MYH10: variants seen among roughly 807,000 people sequenced by gnomAD.
MYH10 encodes the protein myosin-10.
MYH10 carries 55 observed loss-of-function variants against 257.8 expected under a neutral mutation model. That is an observed-to-expected ratio of 0.21 (90% confidence interval 0.17 to 0.27). The LOEUF (loss-of-function observed/expected upper bound fraction) is 0.27. Among genes scored for constraint, MYH10 ranks in the 10% least tolerant of loss-of-function variants. The pLI is 1.00. For missense variants in MYH10, 1,631 were observed against 2,500.6 expected (o/e 0.65, Z 7.42); for synonymous variants, 854 against 921.7 (o/e 0.93, Z 1.33).
At chr17:8,593,844 T>C (rs1315626996) in intron 3 of MYH10, among the ~76,000 whole-genome samples, 3 of 152,176 alleles carry the variant, frequency 2.0e-5, no homozygotes, top group Non-Finnish European at 2.9e-5. Flanking sequence ...CTAAAATTTA[T>C]ACCTATGGAA....
Position 8,533,487 on chromosome 17 carries a change from C to T in MYH10, c.1894+1900G>A, listed in dbSNP as rs147162414. ...TTCTACAAATGCCACCCCAGACACT[C>T]ACTCCTAGAGTCAGTTCATGCAAAC... On this transcript the variant is annotated intron_variant, in intron 16 of 42. Transcript: ENST00000360416. 3.7e-3 allele frequency among the ~76,000 whole-genome samples: 567 copies of T among 152,322 alleles called. 2 individuals are homozygous for T. Among genetic ancestry groups the T allele is most frequent in the Middle Eastern group, 0.027 (8 of 294 alleles).
intron 42 of MYH10, among the ~76,000 whole-genome samples, chr17:8,476,633 G>A (rs996890869): frequency 3.3e-5 from 5 of 152,234 alleles, no homozygotes; most frequent in African/African-American, 1.2e-4. Context: ...GCCTGACCCA[G>A]CTCCAGCCTG....
At chr17:8,576,598 T>G (rs1457301619) in intron 6 of MYH10, 45 bp downstream of exon 6, 1 of 1,529,302 alleles carries the variant, frequency 6.5e-7, no homozygotes. Flanking sequence ...AGACAGAAAT[T>G]AGTGCAAACA....
chr17:8,547,670 TATAG>T (rs1446014111), intron 11 of MYH10, among the ~76,000 whole-genome samples: 1 of 150,608 alleles, frequency 6.6e-6, no homozygotes, highest in Non-Finnish European at 1.5e-5. Flanking sequence ...GTCAAGGCAA[TATAG>T]AGATTCCTCA....
intron 7 of MYH10, chr17:8,561,221 G>A: frequency 1.3e-6 from 1 of 787,882 alleles, no homozygotes. Context: ...TCCGGTCCGT[G>A]CCTCCAAGAT....
chr17:8,536,780 CAG>C (rs1007515140), intron 14 of MYH10, among the ~76,000 whole-genome samples: 22 of 134,932 alleles, frequency 1.6e-4, no homozygotes, highest in African/African-American at 6.2e-4. Context: ...GCCTGGGTAA[CAG>C]AGCAAGACTC....
chr17:8,568,895 A>C (rs1410808160), intron 7 of MYH10, among the ~76,000 whole-genome samples: 1 of 151,624 alleles, frequency 6.6e-6, no homozygotes, highest in African/African-American at 2.4e-5. Flanking sequence ...GAGGAAAGTA[A>C]AGCTTTCAAG....
intron 4 of MYH10, among the ~76,000 whole-genome samples, chr17:8,580,691 A>G (rs1454278183): frequency 6.6e-6 from 1 of 152,202 alleles, no homozygotes; most frequent in African/African-American, 2.4e-5. Flanking sequence ...CACATAGATA[A>G]GAAAATAGTT....
intron 30 of MYH10, among the ~76,000 whole-genome samples, chr17:8,495,715 G>GT (rs548216691): frequency 0.056 from 8,105 of 144,220 alleles, 197 homozygotes; most frequent in Middle Eastern, 0.083. Context: ...GTACAAGAAA[G>GT]TTTTTTTTTT....
intron 21 of MYH10, among the ~76,000 whole-genome samples, chr17:8,515,472 A>G (rs1346862340): frequency 6.9e-6 from 1 of 145,792 alleles, no homozygotes; most frequent in Non-Finnish European, 1.5e-5. Context: ...AACTGATTTT[A>G]TTCTTGCTCC....
intron 3 of MYH10, among the ~76,000 whole-genome samples, chr17:8,600,093 A>C (rs1296371322): frequency 1.3e-5 from 2 of 152,216 alleles, no homozygotes; most frequent in African/African-American, 4.8e-5. Context: ...AGGAAATTAC[A>C]GTGGTATTTA....
Position 8,509,805 on chromosome 17 carries a change from C to G in MYH10, c.3090+7G>C, listed in dbSNP as rs2081200276. The G allele has an allele frequency of 6.2e-7, 1 of 1,605,042 alleles. No individual in the cohort carries two copies. Among genetic ancestry groups the G allele is most frequent in the South Asian group, 1.1e-5 (1 of 89,740 alleles). ...AAAATCAGCTTTTTGTGGGAACACT[C>G]TCTTACTTTGATGAACTTGGAATTT... On this transcript the variant is annotated splice_region_variant and intron_variant, in intron 25 of 42. Transcript: ENST00000360416.
At chr17:8,573,863 C>A (rs2083422381) in intron 6 of MYH10, 6 of 971,862 alleles carry the variant, frequency 6.2e-6, no homozygotes, top group Non-Finnish European at 7.3e-6. Flanking sequence ...ACTGACCACA[C>A]CGCTCACTAG....
At chr17:8,551,361 T>C (rs923264181) in intron 9 of MYH10, among the ~76,000 whole-genome samples, 10 of 152,126 alleles carry the variant, frequency 6.6e-5, no homozygotes, top group African/African-American at 2.4e-4. Flanking sequence ...GTTTCACAGA[T>C]GTCTGTGGTT....
chr17:8,502,903 T>TA (rs1331732456), intron 28 of MYH10, among the ~76,000 whole-genome samples: 2 of 152,220 alleles, frequency 1.3e-5, no homozygotes. Flanking sequence ...CAGCCAAGTC[T>TA]AGTTCAGTGG....
At chr17:8,524,160 G>T (rs2081756073) in intron 17 of MYH10, among the ~76,000 whole-genome samples, 7 of 152,046 alleles carry the variant, frequency 4.6e-5, no homozygotes, top group Admixed American at 4.6e-4. Flanking sequence ...AGCAATGAAG[G>T]CCAGGCATAG....
At chr17:8,592,210 A>T (rs142483261) in intron 3 of MYH10, among the ~76,000 whole-genome samples, 357 of 152,356 alleles carry the variant, frequency 2.3e-3, no homozygotes, top group Non-Finnish European at 4.5e-3. Flanking sequence ...TAAACATGAG[A>T]AAGTTTTTAA....
chr17:8,569,763 A>T lies in MYH10; in HGVS notation c.713T>A (p.Phe238Tyr), dbSNP rs369676100. ...LLQANPILES[F>Y]GNAKTVKNDN... ...ATTTTTCACAGTCTTCGCATTTCCA[A>T]ATGATTCCAGAATTGGATTTGCTTG... The change falls in exon 7 of 43, where the codon TTT (phenylalanine) becomes TAT (tyrosine). Residue 238 changes from phenylalanine (F) to tyrosine (Y), a missense_variant. Physicochemically the swap from Phe to Tyr is conservative, Grantham distance 22. Transcript: ENST00000360416. This position sits in a 1 kb window ranked among gnomAD's most constrained non-coding sequence, Gnocchi z 4.1. 1 of 1,612,106 alleles carries T rather than the reference A, an allele frequency of 6.2e-7. No homozygotes were observed. The highest frequency in any genetic ancestry group is 8.5e-7 in the Non-Finnish European group (1 of 1,179,138).
At chr17:8,615,725 A>G (rs2085234997) in intron 2 of MYH10, among the ~76,000 whole-genome samples, 1 of 152,250 alleles carries the variant, frequency 6.6e-6, no homozygotes, top group African/African-American at 2.4e-5. Context: ...CATTTGATAA[A>G]TTAACATTCA....
Sources: gnomAD v4.1 joint callset for allele counts (sites outside exome capture counted in the v4.1 genomes callset) on GRCh38, gnomAD v4.1.1 for gene constraint, Gnocchi (gnomAD v3.1) non-coding constraint, MANE v1.5 for transcripts, NCBI Gene and HGNC (gene_info 2026-07-23, HGNC 2026-07-21) for gene names.